KCMF1: variants seen among roughly 807,000 people sequenced by gnomAD.
KCMF1 encodes the protein potassium channel modulatory factor 1.
A neutral mutation model predicts 41.1 loss-of-function variants in KCMF1; 3 were observed. The ratio of observed to expected loss-of-function variants is 0.07; its 90% CI spans 0.03 to 0.19. KCMF1 has a LOEUF of 0.19. Ranked by LOEUF, KCMF1 falls within the 10% of genes least tolerant of loss-of-function variation. The pLI is 1.00. For synonymous variants in KCMF1, 142 were observed against 164.5 expected, an observed-to-expected ratio of 0.86 and a Z score of 1.04; for missense variants, 286 against 488.9, an observed-to-expected ratio of 0.58 and a Z score of 3.91.
At chr2:85,021,698 C>A (rs956821947) in intron 1 of KCMF1, among the ~76,000 whole-genome samples, 1 of 149,738 alleles carries the variant, frequency 6.7e-6, no homozygotes, top group Admixed American at 6.6e-5. Flanking sequence ...CTTTTTTTTT[C>A]CTCATTTGAT....
chr2:85,048,519 T>C (rs146172879), intron 5 of KCMF1, among the ~76,000 whole-genome samples: 3 of 152,338 alleles, frequency 2.0e-5, no homozygotes, highest in African/African-American at 7.2e-5. Flanking sequence ...GTTTTAATGA[T>C]AAAGAGTTTT....
At chr2:85,032,688 T>C (rs150934347) in intron 2 of KCMF1, among the ~76,000 whole-genome samples, 2,332 of 152,246 alleles carry the variant, frequency 0.015, 30 homozygotes, top group South Asian at 0.063. Flanking sequence ...AATTTTTGTA[T>C]TTTTAGTAGA....
chr2:84,974,699 T>G (rs1282210393), intron 1 of KCMF1, among the ~76,000 whole-genome samples: 8 of 64,890 alleles, frequency 1.2e-4, no homozygotes, highest in African/African-American at 4.4e-4. Context: ...ATATTTTTTT[T>G]TTTTTTTTTT....
intron 1 of KCMF1, among the ~76,000 whole-genome samples, chr2:85,014,415 G>T (rs1674716607): frequency 6.6e-6 from 1 of 152,176 alleles, no homozygotes; most frequent in African/African-American, 2.4e-5. Context: ...GGTTTGCCAT[G>T]TAATGGCTCT....
intron 3 of KCMF1, among the ~76,000 whole-genome samples, chr2:85,036,819 A>G (rs1215791237): frequency 6.7e-6 from 1 of 148,324 alleles, no homozygotes; most frequent in Non-Finnish European, 1.5e-5. Flanking sequence ...ATGTATTATT[A>G]TATATAATAT....
chr2:85,012,225 A>G (rs1184527512), intron 1 of KCMF1, among the ~76,000 whole-genome samples: 1 of 152,198 alleles, frequency 6.6e-6, no homozygotes, highest in Non-Finnish European at 1.5e-5. Context: ...AACTCCTGAT[A>G]AAGTTGGTAT....
intron 1 of KCMF1, among the ~76,000 whole-genome samples, chr2:84,974,441 T>G (rs570481686): frequency 1.9e-4 from 29 of 151,760 alleles, no homozygotes; most frequent in Non-Finnish European, 3.2e-4. Context: ...CTCAACCTTG[T>G]GAAGCAGTGC....
intron 1 of KCMF1, among the ~76,000 whole-genome samples, chr2:85,014,301 C>A (rs1674714362): frequency 6.6e-6 from 1 of 152,104 alleles, no homozygotes; most frequent in Admixed American, 6.6e-5. Context: ...AAATATATAT[C>A]TCCGTATCAT....
intron 1 of KCMF1, among the ~76,000 whole-genome samples, chr2:84,981,383 G>T (rs891239881): frequency 1.3e-5 from 2 of 151,930 alleles, no homozygotes; most frequent in African/African-American, 4.8e-5. Context: ...TAGAGACAGG[G>T]TTTCACCGTG....
At chr2:85,008,340 G>GATATA (rs1674547200) in intron 1 of KCMF1, among the ~76,000 whole-genome samples, 1 of 27,320 alleles carries the variant, frequency 3.7e-5, no homozygotes, top group Non-Finnish European at 7.3e-5. Flanking sequence ...TATATAATAT[G>GATATA]ATATATAATA....
intron 2 of KCMF1, among the ~76,000 whole-genome samples, chr2:85,034,812 A>C (rs1675367272): frequency 6.6e-6 from 1 of 152,070 alleles, no homozygotes; most frequent in East Asian, 1.9e-4. Context: ...AGTAGACACG[A>C]GGTTTTACCA....
At chr2:85,033,624 C>A (rs1675336437) in intron 2 of KCMF1, among the ~76,000 whole-genome samples, 2 of 152,110 alleles carry the variant, frequency 1.3e-5, no homozygotes, top group African/African-American at 4.8e-5. Context: ...GGAGCTAATT[C>A]AGTCCTGAGA....
intron 1 of KCMF1, among the ~76,000 whole-genome samples, chr2:85,001,252 G>T (rs1320315250): frequency 6.6e-6 from 1 of 151,950 alleles, no homozygotes; most frequent in African/African-American, 2.4e-5. Flanking sequence ...CTGCCTCCCA[G>T]GTTCAAGTGA....
intron 1 of KCMF1, among the ~76,000 whole-genome samples, chr2:84,985,331 A>G (rs1471190949): frequency 2.0e-5 from 3 of 152,302 alleles, no homozygotes; most frequent in East Asian, 3.9e-4. Context: ...CTTTTTGACT[A>G]ACTAAATGGC....
intron 1 of KCMF1, among the ~76,000 whole-genome samples, chr2:84,971,725 C>T (rs1673399215): frequency 7.2e-6 from 1 of 139,618 alleles, no homozygotes; most frequent in East Asian, 2.2e-4. Flanking sequence ...TGTCATGGGG[C>T]GGAGGGGGAG....
chr2:84,996,543 C>T (rs1674181276), intron 1 of KCMF1, among the ~76,000 whole-genome samples: 1 of 147,636 alleles, frequency 6.8e-6, no homozygotes, highest in Non-Finnish European at 1.5e-5. Flanking sequence ...TCAAGCGATT[C>T]TCCTGCCTCA....
rs767956065 is a variant in KCMF1, at chr2:85,053,350, G to A, written c.1087G>A (p.Glu363Lys). Residue 363 changes from glutamate to lysine, a missense_variant, in exon 7 of 7, where the codon GAA becomes AAA. Physicochemically the swap from Glu to Lys is moderately conservative, Grantham distance 56. Around this residue, in one of 2 missense-constraint regions of KCMF1, gnomAD observed 191 missense variants for 279.3 expected, o/e 0.68. Coordinates refer to ENST00000409785, the MANE Select transcript of KCMF1 (RefSeq NM_020122.5). ...VDIMPLDVAL[E>K]NLNLKESNKG... ...TATTATGCCTTTAGATGTTGCTTTA[G>A]AAAACCTAAATTTAAAAGAGAGTAA... The A allele has an allele frequency of 6.8e-6, 11 of 1,613,480 alleles. No homozygotes were observed. Among genetic ancestry groups the A allele is most frequent in the African/African-American group, 1.3e-5 (1 of 74,830 alleles).
At chr2:84,989,761 A>G (rs1399637861) in intron 1 of KCMF1, among the ~76,000 whole-genome samples, 1 of 152,176 alleles carries the variant, frequency 6.6e-6, no homozygotes, top group African/African-American at 2.4e-5. Context: ...GGGTGGGTGC[A>G]GGAAGCAGGG....
intron 3 of KCMF1, among the ~76,000 whole-genome samples, chr2:85,038,919 C>T (rs1420577382): frequency 6.6e-6 from 1 of 152,122 alleles, no homozygotes; most frequent in African/African-American, 2.4e-5. Flanking sequence ...TTCGTCTCAC[C>T]GTGTGGCCCA....
Sources: gnomAD v4.1 joint callset for allele counts (sites outside exome capture counted in the v4.1 genomes callset) on GRCh38, gnomAD v4.1.1 for gene constraint, gnomAD v4.1.1 regional missense constraint, MANE v1.5 for transcripts, NCBI Gene and HGNC (gene_info 2026-07-23, HGNC 2026-07-21) for gene names.